The following NTNG1 variants were observed in gnomAD, a reference collection of about 807,000 sequenced individuals.
The protein encoded by NTNG1 is netrin G1, also known as netrin-G1.
NTNG1 carries 16 observed loss-of-function variants against 54.0 expected under a neutral mutation model. That is an observed-to-expected ratio of 0.30 (90% CI 0.20 to 0.45). The LOEUF is 0.45. Ranked by LOEUF, NTNG1 falls within the 20% of genes least tolerant of loss-of-function variation. The pLI is 1.00. For synonymous variants in NTNG1, 255 were observed against 263.1 expected (o/e 0.97, Z 0.30); for missense variants, 530 against 678.7 (o/e 0.78, Z 2.43).
intron 5 of NTNG1, among the ~76,000 whole-genome samples, chr1:107,414,458 T>A (rs1674062815): frequency 1.3e-5 from 2 of 152,154 alleles, no homozygotes; most frequent in East Asian, 1.9e-4. Flanking sequence ...AGGTTAGAAA[T>A]CAAATATTGT....
chr1:107,302,047 T>A (rs1570625740), intron 2 of NTNG1, among the ~76,000 whole-genome samples: 1 of 152,284 alleles, frequency 6.6e-6, no homozygotes. Flanking sequence ...CTCTTTATAT[T>A]ACAAACCTTT....
At chr1:107,448,910 T>C (rs1020191465) in intron 7 of NTNG1, among the ~76,000 whole-genome samples, 1 of 152,104 alleles carries the variant, frequency 6.6e-6, no homozygotes, top group African/African-American at 2.4e-5. Flanking sequence ...TATTTTAATA[T>C]AGTATATTGC....
rs373386068 is a variant in NTNG1 at position 107,451,181 on chromosome 1, C to T, written c.1390+14382C>T. Among the ~76,000 whole-genome samples, 73 of 149,438 alleles carry T rather than the reference C, an allele frequency of 4.9e-4. 1 individual carries two copies. The Middle Eastern group carries it at 0.035, about 71-fold the overall frequency. On this transcript the variant is annotated intron_variant, in intron 7 of 7. Coordinates refer to ENST00000370068, the MANE Select transcript of NTNG1 (RefSeq NM_001113226.3). The stretch of plus-strand genomic sequence containing the variant: ...TTTGGCTATTCTTAGCAAGTTCATG[C>T]TATGTGCTATTTTTCAGCAAAGTTA...
At chr1:107,288,488 A>C (rs1665357582) in intron 2 of NTNG1, among the ~76,000 whole-genome samples, 1 of 152,174 alleles carries the variant, frequency 6.6e-6, no homozygotes, top group African/African-American at 2.4e-5. Context: ...AAAAGGTCTA[A>C]AATCGCACCA....
At chr1:107,236,270 G>T (rs1456681551) in intron 2 of NTNG1, among the ~76,000 whole-genome samples, 1 of 152,186 alleles carries the variant, frequency 6.6e-6, no homozygotes, top group Non-Finnish European at 1.5e-5. Flanking sequence ...AGTGTTGAAT[G>T]CAAAGAATGC....
chr1:107,442,876 C>G (rs963929773), intron 7 of NTNG1, among the ~76,000 whole-genome samples: 3 of 152,030 alleles, frequency 2.0e-5, no homozygotes. Context: ...AGACATGGTT[C>G]AGGAAGATAG....
chr1:107,211,015 G>A (rs1311341884), intron 2 of NTNG1, among the ~76,000 whole-genome samples: 9 of 151,990 alleles, frequency 5.9e-5, no homozygotes, highest in South Asian at 2.1e-4. Flanking sequence ...CTTATATGTC[G>A]TCTCTGAACG....
At position 107,202,560 on chromosome 1, in the gene NTNG1, T is replaced by A. The variant is rs1372805488; in HGVS notation, c.246+53721T>A. On this transcript the variant is annotated intron_variant, in intron 2 of 7. Coordinates refer to ENST00000370068, the MANE Select transcript of NTNG1 (RefSeq NM_001113226.3). ...TGTTTGCTTTTTATAATTTCCTGAC[T>A]CACTGTAGAAAAACTTTTCTACTCT... 3.3e-5 allele frequency among the ~76,000 whole-genome samples: 5 copies of A among 151,872 alleles called. No homozygotes were observed. In the East Asian group the frequency reaches 9.6e-4, roughly 29 times the overall value.
At chr1:107,206,217 C>T (rs146608623) in intron 2 of NTNG1, among the ~76,000 whole-genome samples, 42 of 152,240 alleles carry the variant, frequency 2.8e-4, no homozygotes, top group African/African-American at 9.6e-4. Context: ...TCCCTGTCCT[C>T]CTTCACTCCC....
intron 2 of NTNG1, among the ~76,000 whole-genome samples, chr1:107,221,614 C>G (rs1320460927): frequency 1.3e-5 from 2 of 152,144 alleles, no homozygotes; most frequent in Non-Finnish European, 2.9e-5. Flanking sequence ...TGTATAATTT[C>G]TTTGGTTAGA....
intron 3 of NTNG1, among the ~76,000 whole-genome samples, chr1:107,363,953 T>G (rs1670438517): frequency 6.6e-6 from 1 of 152,180 alleles, no homozygotes; most frequent in East Asian, 1.9e-4. Context: ...GAAAAAGAAC[T>G]GTCTCTTTTT....
chr1:107,350,742 C>T (rs1448649651), intron 3 of NTNG1, among the ~76,000 whole-genome samples: 1 of 152,006 alleles, frequency 6.6e-6, no homozygotes, highest in Non-Finnish European at 1.5e-5. Context: ...AAGCCAGGCA[C>T]AGAAAGACAA....
chr1:107,243,546 G>GT (rs571350621), intron 2 of NTNG1, among the ~76,000 whole-genome samples: 107 of 152,008 alleles, frequency 7.0e-4, no homozygotes, highest in Non-Finnish European at 1.3e-3. Context: ...TTGTGCTGGG[G>GT]TTTTTTTTGT....
At chr1:107,176,786 T>C (rs571034824) in intron 2 of NTNG1, among the ~76,000 whole-genome samples, 2 of 152,358 alleles carry the variant, frequency 1.3e-5, no homozygotes, top group East Asian at 1.9e-4. Context: ...CATTCCTTTA[T>C]GTTATTTGCT....
chr1:107,174,115 G>A (rs1045698169), intron 2 of NTNG1, among the ~76,000 whole-genome samples: 94 of 152,156 alleles, frequency 6.2e-4, no homozygotes, highest in African/African-American at 2.2e-3. Flanking sequence ...CTAAATTATT[G>A]TTTAATTTAA....
intron 7 of NTNG1, among the ~76,000 whole-genome samples, chr1:107,474,253 G>A (rs925918865): frequency 1.3e-5 from 2 of 152,162 alleles, no homozygotes; most frequent in Non-Finnish European, 2.9e-5. Context: ...GTTGGGACAT[G>A]CTTAAAATGA....
intron 3 of NTNG1, among the ~76,000 whole-genome samples, chr1:107,343,267 A>G (rs779955790): frequency 2.0e-5 from 3 of 152,112 alleles, no homozygotes; most frequent in Non-Finnish European, 4.4e-5. Flanking sequence ...CTTTCTAATC[A>G]GCTCCTGGTC....
intron 3 of NTNG1, among the ~76,000 whole-genome samples, chr1:107,381,661 G>A (rs1671655350): frequency 6.6e-6 from 1 of 152,194 alleles, no homozygotes; most frequent in African/African-American, 2.4e-5. Flanking sequence ...AGGTATGTTA[G>A]TTAGCATCTT....
intron 2 of NTNG1, among the ~76,000 whole-genome samples, chr1:107,256,924 T>TA (rs1307444002): frequency 6.6e-6 from 1 of 152,196 alleles, no homozygotes. Flanking sequence ...TATTTTTTTT[T>TA]ATTGTCCAAA....
Sources: allele counts gnomAD v4.1 joint callset (sites outside exome capture counted in the v4.1 genomes callset), GRCh38; gene constraint gnomAD v4.1.1; transcripts MANE v1.5; gene names NCBI Gene and HGNC (gene_info 2026-07-23, HGNC 2026-07-21).